ENOX1: variants seen among roughly 807,000 people sequenced by gnomAD.
ENOX1 encodes ecto-NOX disulfide-thiol exchanger 1.
ENOX1 carries 42 observed loss-of-function variants against 82.5 expected under a neutral mutation model. The observed-to-expected ratio is 0.51, with a 90% CI of 0.40 to 0.66. The LOEUF is 0.66. Among genes scored for constraint, ENOX1 ranks in the 30% least tolerant of loss-of-function variants. The probability of loss-of-function intolerance (pLI) is 0.00; values close to 1 mark genes in which losing one functional copy is unlikely to be tolerated. For synonymous variants in ENOX1, 271 were observed against 282.2 expected (o/e 0.96, Z 0.40); for missense variants, 608 against 811.6 (o/e 0.75, Z 3.05).
intron 11 of ENOX1, among the ~76,000 whole-genome samples, chr13:43,321,720 C>A (rs1411067148): frequency 6.6e-6 from 1 of 152,240 alleles, no homozygotes; most frequent in African/African-American, 2.4e-5. Context: ...CCCTTCCAAT[C>A]AGACAAGCAG....
At chr13:43,698,299 ACATAAGTAC>A (rs1301612977) in intron 1 of ENOX1, among the ~76,000 whole-genome samples, 1 of 152,220 alleles carries the variant, frequency 6.6e-6, no homozygotes, top group Non-Finnish European at 1.5e-5. Flanking sequence ...CACAACTCCT[ACATAAGTAC>A]CTTTTGGTAA....
intron 1 of ENOX1, among the ~76,000 whole-genome samples, chr13:43,691,224 T>C (rs1332266788): frequency 6.6e-6 from 1 of 152,078 alleles, no homozygotes; most frequent in Non-Finnish European, 1.5e-5. Context: ...ATCAGCATCA[T>C]TTTTCATAAG....
At chr13:43,761,858 G>A (rs1950998777) in intron 1 of ENOX1, among the ~76,000 whole-genome samples, 1 of 152,130 alleles carries the variant, frequency 6.6e-6, no homozygotes, top group African/African-American at 2.4e-5. Context: ...GGAAGAGAAA[G>A]AGCAATAAAA....
intron 3 of ENOX1, among the ~76,000 whole-genome samples, chr13:43,429,718 A>G (rs948231064): frequency 6.6e-6 from 1 of 152,220 alleles, no homozygotes; most frequent in African/African-American, 2.4e-5. Flanking sequence ...AAGAGAAAAC[A>G]TGAATTAATA....
intron 2 of ENOX1, among the ~76,000 whole-genome samples, chr13:43,655,475 C>T (rs1202685182): frequency 6.6e-6 from 1 of 152,064 alleles, no homozygotes; most frequent in Non-Finnish European, 1.5e-5. Flanking sequence ...GTCATCAAGT[C>T]AAATTCCTTC....
At chr13:43,775,182 T>C (rs1436043157) in intron 1 of ENOX1, among the ~76,000 whole-genome samples, 1 of 152,032 alleles carries the variant, frequency 6.6e-6, no homozygotes. Flanking sequence ...CCTCCCATGA[T>C]CTTTCACCCA....
intron 2 of ENOX1, among the ~76,000 whole-genome samples, chr13:43,511,732 T>A (rs1356438746): frequency 6.6e-6 from 1 of 152,190 alleles, no homozygotes; most frequent in East Asian, 1.9e-4. Flanking sequence ...TTGGGAAATG[T>A]TAGACCATTG....
chr13:43,782,620 G>T (rs191306367), intron 1 of ENOX1, among the ~76,000 whole-genome samples: 82 of 152,192 alleles, frequency 5.4e-4, no homozygotes, highest in African/African-American at 1.9e-3. Context: ...TCTCCAATCA[G>T]TCAATGTCAA....
At chr13:43,574,942 G>A (rs915894240) in intron 2 of ENOX1, among the ~76,000 whole-genome samples, 3 of 152,304 alleles carry the variant, frequency 2.0e-5, no homozygotes, top group South Asian at 2.1e-4. Flanking sequence ...GTTCTGAGGC[G>A]GGGAAGGTAG....
intron 9 of ENOX1, among the ~76,000 whole-genome samples, chr13:43,328,364 A>C (rs879637636): frequency 5.9e-5 from 9 of 152,334 alleles, no homozygotes; most frequent in Non-Finnish European, 1.2e-4. Flanking sequence ...GGTGATCAAG[A>C]GGTTATTAAA....
chr13:43,602,711 C>T (rs1177100098), intron 2 of ENOX1, among the ~76,000 whole-genome samples: 3 of 151,730 alleles, frequency 2.0e-5, no homozygotes, highest in African/African-American at 4.8e-5. Flanking sequence ...AGGGATAATA[C>T]CAAGGGTTTG....
chr13:43,220,961 C>T (rs908906071), intron 16 of ENOX1, among the ~76,000 whole-genome samples: 2 of 152,160 alleles, frequency 1.3e-5, no homozygotes, highest in Non-Finnish European at 2.9e-5. Flanking sequence ...ATCTCCTTTC[C>T]ATAGCCAAGA....
chr13:43,520,981 G>T (rs2153682695), intron 2 of ENOX1, among the ~76,000 whole-genome samples: 1 of 152,254 alleles, frequency 6.6e-6, no homozygotes, highest in East Asian at 1.9e-4. Flanking sequence ...GTAATTACTT[G>T]TAGAAATTTG....
chr13:43,668,958 T>C (rs1438130448), intron 1 of ENOX1, among the ~76,000 whole-genome samples: 1 of 152,242 alleles, frequency 6.6e-6, no homozygotes. Context: ...GCTTCTTTAA[T>C]ATTTGTATGC....
intron 9 of ENOX1, among the ~76,000 whole-genome samples, chr13:43,342,822 C>T (rs1387344285): frequency 6.6e-6 from 1 of 152,210 alleles, no homozygotes; most frequent in African/African-American, 2.4e-5. Flanking sequence ...TTTTCTGTCC[C>T]TCTCTCAGTT....
At chr13:43,350,943 G>A (rs139902143) in intron 8 of ENOX1, among the ~76,000 whole-genome samples, 5 of 152,298 alleles carry the variant, frequency 3.3e-5, no homozygotes, top group East Asian at 1.9e-4. Context: ...GGAAAACAAG[G>A]AAGGCATTCT....
intron 2 of ENOX1, among the ~76,000 whole-genome samples, chr13:43,491,743 C>G (rs770632219): frequency 6.6e-6 from 1 of 152,124 alleles, no homozygotes; most frequent in Non-Finnish European, 1.5e-5. Context: ...GCCCGGGCAA[C>G]AGAGTGAGAC....
chr13:43,623,459 T>TCCCCAAA (rs1193374753), intron 2 of ENOX1, among the ~76,000 whole-genome samples: 132 of 152,236 alleles, frequency 8.7e-4, no homozygotes, highest in South Asian at 4.6e-3. Flanking sequence ...TTTGCTCAGC[T>TCCCCAAA]CTCCAAACTG....
At chr13:43,634,014 C>T (rs564555905) in intron 2 of ENOX1, among the ~76,000 whole-genome samples, 1 of 152,116 alleles carries the variant, frequency 6.6e-6, no homozygotes. Context: ...ATTAATATCA[C>T]CTTTACCTGG....
Sources: gnomAD v4.1 joint callset for allele counts (sites outside exome capture counted in the v4.1 genomes callset) on GRCh38, gnomAD v4.1.1 for gene constraint, MANE v1.5 for transcripts, NCBI Gene and HGNC (gene_info 2026-07-23, HGNC 2026-07-21) for gene names.